Variants in GPAT3 observed in about 807,000 individuals in gnomAD.
The protein encoded by GPAT3 is glycerol-3-phosphate acyltransferase 3.
Under a neutral mutation model 58.8 loss-of-function variants are expected in GPAT3, and 53 were observed. The observed-to-expected ratio is 0.90, with a 90% CI of 0.72 to 1.13. The LOEUF (loss-of-function observed/expected upper bound fraction) is 1.13, where lower values mean the gene tolerates loss of function less well. GPAT3 is among the 50% of genes most tolerant of loss of function. GPAT3 has a pLI of 0.00. For missense variants in GPAT3, 511 were observed against 527.6 expected (o/e 0.97, Z 0.31); for synonymous variants, 197 against 187.4 (o/e 1.05, Z -0.42).
chr4:83,548,819 C>G lies in GPAT3; in HGVS notation c.208+4217C>G, dbSNP rs560967205. 2.7e-4 allele frequency among the ~76,000 whole-genome samples: 41 copies of G among 152,240 alleles called. No individual in the cohort carries two copies. The South Asian group carries it at 8.3e-3, about 31-fold the overall frequency. The stretch of plus-strand genomic sequence containing the variant: ...ATCTCATGCCCCCAAGTCTCTGCCC[C>G]TTTGCCCACCTAAACACTCAAAAAG... On this transcript the variant is annotated intron_variant, in intron 2 of 11. Transcript: ENST00000264409.
intron 2 of GPAT3, among the ~76,000 whole-genome samples, chr4:83,555,103 C>T (rs951247497): frequency 7.2e-5 from 11 of 152,154 alleles, no homozygotes; most frequent in Non-Finnish European, 2.9e-5. Context: ...TGCGCCTGGC[C>T]TCCTCTTCTG....
chr4:83,547,543 C>T lies in GPAT3; in HGVS notation c.208+2941C>T, dbSNP rs528351776. On this transcript the variant is annotated intron_variant, in intron 2 of 11. Coordinates refer to ENST00000264409, the MANE Select transcript of GPAT3 (RefSeq NM_032717.5). ...CTGGGATTACAGGCGTGAGCTACTG[C>T]GCCTGGCCTCTGCTGCTCTTTCATT... is the stretch of plus-strand genomic sequence containing the variant. Among the ~76,000 whole-genome samples, 12 of 152,076 alleles carry T rather than the reference C, an allele frequency of 7.9e-5. No individual in the cohort carries two copies. In the South Asian group the frequency reaches 1.5e-3, roughly 18 times the overall value.
chr4:83,579,045 T>C (rs796973493), intron 2 of GPAT3, among the ~76,000 whole-genome samples: 7,419 of 40,170 alleles, frequency 0.18, 1,383 homozygotes, highest in Middle Eastern at 0.3. Context: ...TTTCTTTCTT[T>C]CTTTCTTTCT....
At chr4:83,553,866 G>C (rs1297255928) in intron 2 of GPAT3, among the ~76,000 whole-genome samples, 1 of 151,684 alleles carries the variant, frequency 6.6e-6, no homozygotes, top group African/African-American at 2.4e-5. Context: ...GACAGAGTGA[G>C]ACCCTGTCTC....
chr4:83,599,204 G>A (rs1382434924), intron 11 of GPAT3, among the ~76,000 whole-genome samples: 1 of 152,122 alleles, frequency 6.6e-6, no homozygotes, highest in Non-Finnish European at 1.5e-5. Flanking sequence ...TAAGATAGAA[G>A]TTTATTTCTC....
rs998440125 is a variant in GPAT3, at chr4:83,605,623, C to G, written c.*856C>G. The G allele has an allele frequency of 2.0e-5, 3 of 152,374 alleles. No homozygotes were observed. Among genetic ancestry groups the G allele is most frequent in the African/African-American group, 7.2e-5 (3 of 41,380 alleles). 9.4% of individuals were successfully genotyped at this position (152,374 alleles called of 1,614,324 possible). ...GTGGAGCTACCCCTCACCCTCCACC[C>G]CTTTGTGCTTTTTATTCCCGAATTT... is the stretch of plus-strand genomic sequence containing the variant. On this transcript the variant is annotated 3_prime_UTR_variant, in exon 12 of 12. Coordinates refer to ENST00000264409, the MANE Select transcript of GPAT3 (RefSeq NM_032717.5).
In GPAT3 at chr4:83,562,269, C is replaced by T. The variant is rs116334832; in HGVS notation, c.208+17667C>T. On this transcript the variant is annotated intron_variant, in intron 2 of 11. Transcript: ENST00000264409. Reference sequence around the variant, plus strand: ...TATATAAAATATAGTTTGGCTGCAGCTAGAATGCATGAAGATGAGTTGGGC... The same window carrying T: ...TATATAAAATATAGTTTGGCTGCAGTTAGAATGCATGAAGATGAGTTGGGC... Among the ~76,000 whole-genome samples, 662 of 132,356 alleles carry T rather than the reference C, an allele frequency of 5.0e-3. 10 individuals are homozygous for T. Among genetic ancestry groups the T allele is most frequent in the African/African-American group, 0.019 (626 of 33,282 alleles). 86.8% of individuals were successfully genotyped at this position (132,356 alleles called of 152,430 possible). A position where few individuals can be genotyped will look rare whatever the true frequency, so the allele number is the denominator to read the frequency against.
At chr4:83,540,428 C>T (rs1198972166) in intron 1 of GPAT3, among the ~76,000 whole-genome samples, 3 of 152,140 alleles carry the variant, frequency 2.0e-5, no homozygotes, top group East Asian at 1.9e-4. Context: ...AGATTCAGAA[C>T]ATCTGAAAGA....
intron 11 of GPAT3, among the ~76,000 whole-genome samples, chr4:83,600,610 C>A (rs1472625548): frequency 6.6e-6 from 1 of 152,108 alleles, no homozygotes; most frequent in African/African-American, 2.4e-5. Flanking sequence ...TTAAGCAATT[C>A]TCCTGCCTCA....
At chr4:83,602,280 A>G (rs987744486) in intron 11 of GPAT3, among the ~76,000 whole-genome samples, 21 of 152,340 alleles carry the variant, frequency 1.4e-4, no homozygotes, top group African/African-American at 5.1e-4. Flanking sequence ...AGCCAAGTAC[A>G]GACTCTCCAT....
chr4:83,597,317 C>T, intron 8 of GPAT3, 113 bp from the exon 9 acceptor site: 1 of 566,574 alleles, frequency 1.8e-6, no homozygotes, highest in Non-Finnish European at 2.8e-6. Context: ...TAGTACGATG[C>T]CTGTAATTTT....
chr4:83,604,628 C>A, intron 11 of GPAT3, 40 bp from the exon 12 acceptor site: 1 of 1,520,856 alleles, frequency 6.6e-7, no homozygotes, highest in Non-Finnish European at 9.1e-7. Context: ...TAAATCACCG[C>A]TGTAAAGTAT....
At chr4:83,547,428 A>G (rs377726085) in intron 2 of GPAT3, among the ~76,000 whole-genome samples, 7 of 150,962 alleles carry the variant, frequency 4.6e-5, no homozygotes, top group South Asian at 2.1e-4. Context: ...AATTTTTTGT[A>G]TTTTTAGTAG....
At chr4:83,542,604 A>G (rs1578157921) in intron 1 of GPAT3, among the ~76,000 whole-genome samples, 1 of 152,182 alleles carries the variant, frequency 6.6e-6, no homozygotes. Context: ...ATTCTCTATC[A>G]GTTATGTTCT....
Position 83,588,208 on chromosome 4 carries a change from A to G in GPAT3, c.555-2A>G. 1 of 1,613,922 alleles carries G rather than the reference A, an allele frequency of 6.2e-7. No homozygotes were observed. The highest frequency in any genetic ancestry group is 1.1e-5 in the South Asian group (1 of 91,072). The stretch of plus-strand genomic sequence containing the variant: ...ACAATAAAATGTTTCTATTTCCTTC[A>G]GCCTCAAAAACTGGCTGAGTGAACT... On this transcript the variant is annotated splice_acceptor_variant, in intron 4 of 11. Transcript: ENST00000264409. LOFTEE classifies it high-confidence loss of function.
intron 2 of GPAT3, among the ~76,000 whole-genome samples, chr4:83,564,830 C>T (rs1333708613): frequency 1.3e-5 from 2 of 152,108 alleles, no homozygotes; most frequent in Non-Finnish European, 2.9e-5. Flanking sequence ...TATATATAGT[C>T]TAATTTATCA....
At chr4:83,566,096 A>G (rs1302528192) in intron 2 of GPAT3, among the ~76,000 whole-genome samples, 2 of 152,220 alleles carry the variant, frequency 1.3e-5, no homozygotes, top group African/African-American at 2.4e-5. Flanking sequence ...GCATAAAGAC[A>G]TGAAGGCAAT....
chr4:83,593,467 A>G (rs921665918), intron 6 of GPAT3, among the ~76,000 whole-genome samples: 3 of 152,080 alleles, frequency 2.0e-5, no homozygotes, highest in Non-Finnish European at 2.9e-5. Flanking sequence ...CATCTGGCCT[A>G]TATTTACTAT....
At chr4:83,551,423 G>A (rs1724743882) in intron 2 of GPAT3, among the ~76,000 whole-genome samples, 1 of 152,082 alleles carries the variant, frequency 6.6e-6, no homozygotes, top group Admixed American at 6.6e-5. Context: ...GCGCCTGGCT[G>A]GGACAGGTTA....
Sources: gnomAD v4.1 joint callset for allele counts (sites outside exome capture counted in the v4.1 genomes callset) on GRCh38, gnomAD v4.1.1 for gene constraint, MANE v1.5 for transcripts, NCBI Gene and HGNC (gene_info 2026-07-23, HGNC 2026-07-21) for gene names.